The following IGLL5 variants were observed in gnomAD, a reference collection of about 807,000 sequenced individuals.
The protein encoded by IGLL5 is immunoglobulin lambda-like polypeptide 5.
A neutral mutation model predicts 20.9 loss-of-function variants in IGLL5; 30 were observed. The observed-to-expected ratio is 1.44, with a 90% CI of 1.07 to 1.95. The LOEUF (loss-of-function observed/expected upper bound fraction) is 1.95. IGLL5 is among the 30% of genes most tolerant of loss of function. The pLI is 0.00. For synonymous variants in IGLL5, 203 were observed against 117.3 expected, an observed-to-expected ratio of 1.73 and a Z score of -4.72; for missense variants, 475 against 270.7, an observed-to-expected ratio of 1.75 and a Z score of -5.30.
rs1343384174 is a variant in IGLL5, at chr22:22,888,081, T to C, written c.28T>C (p.Cys10Arg). The C allele has an allele frequency of 6.5e-7, 1 of 1,549,250 alleles. No homozygotes were observed. The highest frequency in any genetic ancestry group is 8.7e-7 in the Non-Finnish European group (1 of 1,146,540). MRPKTGQVG[C>R]ETPEELGPGP... is the part of the protein sequence containing the mutation. ...GAGACCCAAGACAGGCCAAGTGGGT[T>C]GTGAGACCCCTGAGGAGCTGGGCCC... The change falls in exon 1 of 3, where the codon TGT becomes CGT. Residue 10 changes from cysteine (C) to arginine (R), a missense_variant. Coordinates refer to ENST00000526893, the MANE Select transcript of IGLL5 (RefSeq NM_001178126.2).
At chr22:22,890,755 A>C (rs2067818415) in intron 1 of IGLL5, among the ~76,000 whole-genome samples, 1 of 151,208 alleles carries the variant, frequency 6.6e-6, no homozygotes, top group African/African-American at 2.4e-5. Flanking sequence ...TCGCTCCTAC[A>C]TTCTTACCAA....
chr22:22,894,790 A>G (rs2066697238), intron 2 of IGLL5, among the ~76,000 whole-genome samples: 1 of 150,774 alleles, frequency 6.6e-6, no homozygotes, highest in African/African-American at 2.4e-5. Context: ...GCCTCAGAGG[A>G]GCCCTGAGGC....
intron 1 of IGLL5, among the ~76,000 whole-genome samples, chr22:22,890,605 G>A (rs1302511563): frequency 6.9e-6 from 1 of 144,308 alleles, no homozygotes; most frequent in South Asian, 2.3e-4. Flanking sequence ...GTGTGTATGT[G>A]TACAAAGTGC....
At chr22:22,894,433 T>C (rs1241009332) in intron 2 of IGLL5, among the ~76,000 whole-genome samples, 2 of 151,266 alleles carry the variant, frequency 1.3e-5, no homozygotes, top group Admixed American at 1.3e-4. Flanking sequence ...CTGGGTGAGG[T>C]GCCAGAATCC....
At chr22:22,893,110 T>C (rs1365138469) in intron 1 of IGLL5, among the ~76,000 whole-genome samples, 1 of 150,928 alleles carries the variant, frequency 6.6e-6, no homozygotes, top group African/African-American at 2.4e-5. Flanking sequence ...TGTTGTCGGA[T>C]GAATGAGTGG....
At chr22:22,888,970 A>G (rs552380594) in intron 1 of IGLL5, among the ~76,000 whole-genome samples, 3 of 151,374 alleles carry the variant, frequency 2.0e-5, no homozygotes, top group African/African-American at 4.8e-5. Context: ...AGAGGAGAGC[A>G]CAGGATGAGG....
chr22:22,889,154 A>C (rs1365121389), intron 1 of IGLL5, among the ~76,000 whole-genome samples: 2 of 150,960 alleles, frequency 1.3e-5, no homozygotes, highest in Middle Eastern at 3.8e-3. Context: ...GCCCGATTAG[A>C]GGAGGGAGGA....
chr22:22,890,347 T>G (rs2067793286), intron 1 of IGLL5, among the ~76,000 whole-genome samples: 1 of 136,440 alleles, frequency 7.3e-6, no homozygotes, highest in Admixed American at 7.4e-5. Flanking sequence ...ACACACACAG[T>G]TGGTGCTGGG....
chr22:22,890,256 G>A (rs6003371), intron 1 of IGLL5, among the ~76,000 whole-genome samples: 10,266 of 148,812 alleles, frequency 0.069, 946 homozygotes, highest in African/African-American at 0.21. Flanking sequence ...GATAGCCACT[G>A]TCAGGTTGGT....
chr22:22,888,179 G>C lies in IGLL5; in HGVS notation c.126G>C (p.Met42Ile), dbSNP rs536568891. The C allele has an allele frequency of 2.6e-6, 4 of 1,549,004 alleles. No homozygotes were observed. The highest frequency in any genetic ancestry group is 2.5e-5 in the East Asian group (1 of 40,620). ...AMVAHGLLRP[M>I]VAPQSGDPDP... ...TCGCCCATGGCCTGCTGCGCCCAAT[G>C]GTTGCACCGCAAAGCGGGGACCCAG... Residue 42 changes from methionine (M) to isoleucine (I), a missense_variant, in exon 1 of 3, where the codon ATG (methionine) becomes ATC (isoleucine). Met to Ile is a conservative substitution (Grantham distance 10). Coordinates refer to ENST00000526893, the MANE Select transcript of IGLL5 (RefSeq NM_001178126.2).
chr22:22,887,832 A>C lies in IGLL5; in HGVS notation c.-222A>C. On this transcript the variant is annotated 5_prime_UTR_variant, in exon 1 of 3. Transcript: ENST00000526893. ...CCCTGGATTGTGACCGCTTCAGGGC[A>C]GTTGGTAGATGCCCCTCTGGGAGAG... is the stretch of plus-strand genomic sequence containing the variant. 2 of 602,090 alleles carry C rather than the reference A, an allele frequency of 3.3e-6. No individual in the cohort carries two copies. Among genetic ancestry groups the C allele is most frequent in the Non-Finnish European group, 5.9e-6 (2 of 336,686 alleles). The allele number at this position is 602,090 out of a possible 1,614,324, so 37.3% of individuals were successfully genotyped here.
intron 1 of IGLL5, among the ~76,000 whole-genome samples, chr22:22,889,384 C>CA (rs1449121684): frequency 6.6e-6 from 1 of 151,054 alleles, no homozygotes; most frequent in African/African-American, 2.4e-5. Context: ...GGCGGCGAGT[C>CA]AAAAAACAAA....
At chr22:22,894,146 T>G (rs749266611) in intron 2 of IGLL5, among the ~76,000 whole-genome samples, 6 of 151,370 alleles carry the variant, frequency 4.0e-5, no homozygotes, top group South Asian at 4.2e-4. Context: ...CTTAGGGACA[T>G]TGCCCAGTGA....
intron 2 of IGLL5, among the ~76,000 whole-genome samples, chr22:22,894,894 A>C: frequency 6.6e-6 from 1 of 151,278 alleles, no homozygotes; most frequent in Admixed American, 6.6e-5. Context: ...GCTCCAGTTC[A>C]AAGCAGGCTT....
At chr22:22,888,429 T>A (rs75472100) in intron 1 of IGLL5, among the ~76,000 whole-genome samples, 170 bp downstream of exon 1, 3 of 151,434 alleles carry the variant, frequency 2.0e-5, no homozygotes, top group South Asian at 2.1e-4. Context: ...ACAGATTTGT[T>A]TGAATTACTG....
chr22:22,889,202 C>A (rs540125833), intron 1 of IGLL5, among the ~76,000 whole-genome samples: 1 of 150,902 alleles, frequency 6.6e-6, no homozygotes, highest in Admixed American at 6.6e-5. Flanking sequence ...GGTGGGGATC[C>A]TGGAGGAAGC....
rs73880718 is a variant in IGLL5 at position 22,891,454 on chromosome 22, G to C, written c.207-2246G>C. 1.3e-3 allele frequency among the ~76,000 whole-genome samples: 198 copies of C among 151,204 alleles called. 5 individuals are homozygous for C. The highest frequency in any genetic ancestry group is 3.9e-3 in the African/African-American group (162 of 41,240). On this transcript the variant is annotated intron_variant, in intron 1 of 2. Transcript: ENST00000526893. ...TTATTTTAGCTTTATGGTATGTTCGGTAACTGGTAGGGAAAGAACCCGTCA... is the reference window on the plus strand; with the variant it reads ...TTATTTTAGCTTTATGGTATGTTCGCTAACTGGTAGGGAAAGAACCCGTCA...
At chr22:22,888,569 G>T (rs1206776955) in intron 1 of IGLL5, among the ~76,000 whole-genome samples, 2 of 151,324 alleles carry the variant, frequency 1.3e-5, no homozygotes, top group South Asian at 2.1e-4. Flanking sequence ...ACAGAGGCAG[G>T]GACAGGACAT....
chr22:22,893,106 C>T (rs555032343), intron 1 of IGLL5, among the ~76,000 whole-genome samples: 98 of 150,968 alleles, frequency 6.5e-4, no homozygotes, highest in African/African-American at 2.2e-3. Flanking sequence ...GAGCTGTTGT[C>T]GGATGAATGA....
Sources: gnomAD v4.1 joint callset for allele counts (sites outside exome capture counted in the v4.1 genomes callset) on GRCh38, gnomAD v4.1.1 for gene constraint, MANE v1.5 for transcripts, NCBI Gene and HGNC (gene_info 2026-07-23, HGNC 2026-07-21) for gene names.